The following ETV1 variants were observed in gnomAD, a reference collection of about 807,000 sequenced individuals.
The protein encoded by ETV1 is ETS translocation variant 1.
A neutral mutation model predicts 62.3 loss-of-function variants in ETV1; 27 were observed. The ratio of observed to expected loss-of-function variants is 0.43; its 90% CI spans 0.32 to 0.60. The LOEUF is 0.60. Among genes scored for constraint, ETV1 ranks in the 20% least tolerant of loss-of-function variants. ETV1 has a pLI of 0.06. For synonymous variants in ETV1, 222 were observed against 199.6 expected, an observed-to-expected ratio of 1.11 and a Z score of -0.94; for missense variants, 605 against 605.8, an observed-to-expected ratio of 1.00 and a Z score of 0.01.
In ETV1 at chr7:13,900,844, C is replaced by A; in HGVS notation, c.1111-5G>T. Reference sequence around the variant, plus strand: ...AATGCCCCAACGTCGGGCCACCTGCCGCGAAACAGAATTACATTGTAGTGT... The same window carrying A: ...AATGCCCCAACGTCGGGCCACCTGCAGCGAAACAGAATTACATTGTAGTGT... On this transcript the variant is annotated splice_polypyrimidine_tract_variant and splice_region_variant and intron_variant, in intron 12 of 13. Transcript: ENST00000430479. 1.3e-6 allele frequency: 2 copies of A among 1,588,502 alleles called. No individual in the cohort carries two copies. Among genetic ancestry groups the A allele is most frequent in the Non-Finnish European group, 1.7e-6 (2 of 1,163,044 alleles).
intron 5 of ETV1, chr7:13,985,455 A>G (rs905584498): frequency 3.0e-4 from 46 of 152,348 alleles, no homozygotes; most frequent in African/African-American, 1.1e-3. Flanking sequence ...TTGGAGAACT[A>G]GACTATCAGC....
At chr7:13,932,043 C>G (rs1786240951) in intron 8 of ETV1, among the ~76,000 whole-genome samples, 1 of 119,266 alleles carries the variant, frequency 8.4e-6, no homozygotes, top group African/African-American at 3.3e-5. Flanking sequence ...ATTTTACACA[C>G]CCACACACAC....
At chr7:13,919,051 A>C (rs1398603444) in intron 9 of ETV1, among the ~76,000 whole-genome samples, 1 of 152,178 alleles carries the variant, frequency 6.6e-6, no homozygotes, top group Non-Finnish European at 1.5e-5. Context: ...TCTTTGAAGA[A>C]GTATCTAGTC....
intron 7 of ETV1, among the ~76,000 whole-genome samples, chr7:13,937,328 T>C (rs923364732): frequency 6.6e-6 from 1 of 152,216 alleles, no homozygotes; most frequent in African/African-American, 2.4e-5. Flanking sequence ...CCCACTTCTT[T>C]TGTGAAATGG....
chr7:13,947,245 G>C (rs1205229368), intron 6 of ETV1, among the ~76,000 whole-genome samples: 3 of 152,008 alleles, frequency 2.0e-5, no homozygotes, highest in African/African-American at 7.2e-5. Flanking sequence ...GTATGTTTTT[G>C]TTTATATTTT....
At chr7:13,980,915 T>C (rs1319777447) in intron 5 of ETV1, among the ~76,000 whole-genome samples, 1 of 152,092 alleles carries the variant, frequency 6.6e-6, no homozygotes, top group African/African-American at 2.4e-5. Context: ...TCTTAACTAA[T>C]ATTGCCTTAG....
intron 6 of ETV1, among the ~76,000 whole-genome samples, chr7:13,941,907 A>AAATAAATAAAGT (rs1446948426): frequency 2.5e-4 from 35 of 141,722 alleles, no homozygotes; most frequent in African/African-American, 8.3e-4. Flanking sequence ...ATAAATAAAT[A>AAATAAATAAAGT]AAGTAAGAAA....
intron 9 of ETV1, among the ~76,000 whole-genome samples, chr7:13,922,469 G>C (rs560107092): frequency 6.6e-6 from 1 of 152,292 alleles, no homozygotes; most frequent in Admixed American, 6.5e-5. Flanking sequence ...GGAATGTTCA[G>C]ACAGTGGTGG....
At chr7:13,945,425 T>C (rs1053532939) in intron 6 of ETV1, among the ~76,000 whole-genome samples, 3 of 148,724 alleles carry the variant, frequency 2.0e-5, no homozygotes, top group African/African-American at 7.4e-5. Context: ...CCTCAGTCAC[T>C]ATGGGCCCTT....
chr7:13,961,156 G>A (rs1583809372), intron 6 of ETV1, among the ~76,000 whole-genome samples: 1 of 141,362 alleles, frequency 7.1e-6, no homozygotes, highest in Non-Finnish European at 1.5e-5. Flanking sequence ...AAAAAAAAAA[G>A]AAAAAAAAGA....
chr7:13,946,649 G>T (rs1788199768), intron 6 of ETV1, among the ~76,000 whole-genome samples: 1 of 152,178 alleles, frequency 6.6e-6, no homozygotes, highest in Non-Finnish European at 1.5e-5. Flanking sequence ...GAAATGCCCT[G>T]AGCTTTCTAA....
chr7:13,915,483 C>T (rs2282878), intron 9 of ETV1, among the ~76,000 whole-genome samples: 47,762 of 152,018 alleles, frequency 0.31, 7,828 homozygotes, highest in African/African-American at 0.4. Flanking sequence ...ATCTTGCCAA[C>T]ATTTTATCTC....
intron 6 of ETV1, among the ~76,000 whole-genome samples, chr7:13,970,303 CACACACACACACACACACACACA>C (rs1780763917): frequency 7.6e-6 from 1 of 131,018 alleles, no homozygotes; most frequent in Admixed American, 8.4e-5. Flanking sequence ...CACACACACA[CACACACACACACACACACACACA>C]AAGCAGCAAC....
At position 13,939,712 on chromosome 7, in the gene ETV1, G is replaced by C. The variant is rs146991704; in HGVS notation, c.236-466C>G. Among the ~76,000 whole-genome samples, 836 of 152,184 alleles carry C rather than the reference G, an allele frequency of 5.5e-3. 7 individuals are homozygous for C. The highest frequency in any genetic ancestry group is 0.019 in the African/African-American group (803 of 41,524). On this transcript the variant is annotated intron_variant, in intron 6 of 13. Coordinates refer to ENST00000430479, the MANE Select transcript of ETV1 (RefSeq NM_004956.5). ...GTTTAATGAAATGACAACTAGACTG[G>C]GGCAAAGAAAATCCAGGCGCAGGTC...
rs543513750 is a variant in ETV1, at chr7:13,931,662, C to G, written c.642G>C (p.Gln214His). 1 of 1,613,960 alleles carries G rather than the reference C, an allele frequency of 6.2e-7. No homozygotes were observed. The highest frequency in any genetic ancestry group is 1.1e-5 in the South Asian group (1 of 91,070). ...PREGRPMYQR[Q>H]MSEPNIPFPP... ...GGAAGGGGATGTTTGGCTCAGACAT[C>G]TGGCGTTGGTACATAGGACGTCCTT... Residue 214 changes from glutamine to histidine, a missense_variant, in exon 9 of 14, where the codon CAG becomes CAC. Around this residue, in one of 3 missense-constraint regions of ETV1, gnomAD observed 426 missense variants for 377.8 expected, o/e 1.13. Transcript: ENST00000430479.
chr7:13,906,121 C>G, intron 12 of ETV1: 1 of 216,602 alleles, frequency 4.6e-6, no homozygotes, highest in Non-Finnish European at 9.0e-6. Context: ...CCTCCTGCCT[C>G]TTTTCTCTAA....
chr7:13,948,622 G>T (rs6461058), intron 6 of ETV1, among the ~76,000 whole-genome samples: 3 of 152,034 alleles, frequency 2.0e-5, no homozygotes, highest in Non-Finnish European at 4.4e-5. Context: ...TTTCGGTCTA[G>T]TCTAGGGCTA....
intron 6 of ETV1, among the ~76,000 whole-genome samples, chr7:13,940,149 G>T (rs1034535783): frequency 6.6e-6 from 1 of 152,100 alleles, no homozygotes; most frequent in African/African-American, 2.4e-5. Flanking sequence ...GATCACCTGA[G>T]GTCAGGAGTT....
At chr7:13,985,783 A>G (rs1363288558) in intron 5 of ETV1, among the ~76,000 whole-genome samples, 4 of 152,308 alleles carry the variant, frequency 2.6e-5, no homozygotes, top group African/African-American at 9.6e-5. Context: ...GAAAAATTTC[A>G]AATTATGAAT....
Sources: gnomAD v4.1 joint callset for allele counts (sites outside exome capture counted in the v4.1 genomes callset) on GRCh38, gnomAD v4.1.1 for gene constraint, gnomAD v4.1.1 regional missense constraint, MANE v1.5 for transcripts, NCBI Gene and HGNC (gene_info 2026-07-23, HGNC 2026-07-21) for gene names.